Variants in OAT observed in about 807,000 individuals in gnomAD.
OAT encodes the protein ornithine aminotransferase, also known as ornithine aminotransferase, mitochondrial.
Under a neutral mutation model 48.4 loss-of-function variants are expected in OAT, and 35 were observed. The observed-to-expected ratio is 0.72, with a 90% CI of 0.55 to 0.96. The LOEUF is 0.96. OAT is among the 40% of genes least tolerant of loss of function. The probability of loss-of-function intolerance (pLI) is 0.00; values close to 1 mark genes in which losing one functional copy is unlikely to be tolerated. For synonymous variants in OAT, 182 were observed against 198.4 expected (o/e 0.92, Z 0.70); for missense variants, 438 against 537.9 (o/e 0.81, Z 1.84).
At chr10:124,415,071 C>CGAGACTGTGTT (rs1293798332) in intron 1 of OAT, 6 of 1,032 alleles carry the variant, frequency 5.8e-3, no homozygotes, top group African/African-American at 0.015. Flanking sequence ...GGCTACAAAG[C>CGAGACTGTGTT]GCTAAAAAAA....
intron 4 of OAT, among the ~76,000 whole-genome samples, chr10:124,407,966 A>G (rs1951629990): frequency 1.3e-5 from 2 of 152,080 alleles, no homozygotes; most frequent in South Asian, 2.1e-4. Flanking sequence ...ACCACAGTCT[A>G]TGTAGGCCAT....
chr10:124,403,006 C>T lies in OAT; in HGVS notation c.821G>A (p.Arg274Lys). The change falls in exon 7 of 10, where the codon AGA (arginine) becomes AAA (lysine). Residue 274 changes from arginine to lysine, a missense_variant. Coordinates refer to ENST00000368845, the MANE Select transcript of OAT (RefSeq NM_000274.4). ...EIQTGLARTGRWLAVDYENVR... is the reference protein window; with the variant it reads ...EIQTGLARTGKWLAVDYENVR... ...ATTTTCATAATCAACAGCCAGCCAT[C>T]TACCAGTTCTGGCCAATCCTGTCTG... is the stretch of plus-strand genomic sequence containing the variant. 1.2e-6 allele frequency: 2 copies of T among 1,614,134 alleles called. No homozygotes were observed. Among genetic ancestry groups the T allele is most frequent in the Non-Finnish European group, 1.7e-6 (2 of 1,180,002 alleles).
intron 1 of OAT, chr10:124,414,537 A>G (rs1334113581): frequency 6.6e-6 from 1 of 152,136 alleles, no homozygotes; most frequent in Non-Finnish European, 1.5e-5. Context: ...AACAATCAAA[A>G]CAAAAGTGAT....
At position 124,400,866 on chromosome 10, in the gene OAT, T is replaced by C. The variant is rs1372166193; in HGVS notation, c.1133A>G (p.Asn378Ser). Residue 378 changes from asparagine (N) to serine (S), a missense_variant, in exon 9 of 10, where the codon AAC (asparagine) becomes AGC (serine). Physicochemically the swap from Asn to Ser is conservative, Grantham distance 46. Transcript: ENST00000368845. ...VTAVRGKGLL[N>S]AIVIKETKDW... is the part of the protein sequence containing the mutation. ...TTTGGTTTCTTTAATGACAATAGCG[T>C]TTAATAATCCTTTTCCTCTTACGGC... 1 of 1,605,078 alleles carries C rather than the reference T, an allele frequency of 6.2e-7. No homozygotes were observed. Among genetic ancestry groups the C allele is most frequent in the East Asian group, 2.2e-5 (1 of 44,768 alleles).
rs1951667717 is a variant in OAT, at chr10:124,408,615, G to T, written c.447C>A (p.Ala149=). 1 of 1,612,912 alleles carries T rather than the reference G, an allele frequency of 6.2e-7. No homozygotes were observed. Among genetic ancestry groups the T allele is most frequent in the African/African-American group, 1.3e-5 (1 of 74,916 alleles). The part of the protein sequence containing the change: ...MNTGVEAGET[A]CKLARKWGYT... Reference sequence around the variant, plus strand: ...AGCCCCACTTACGAGCTAGTTTACAGGCAGTCTCTCCAGCCTCCACTCCTA... The same window carrying T: ...AGCCCCACTTACGAGCTAGTTTACATGCAGTCTCTCCAGCCTCCACTCCTA... Residue 149 remains alanine (A), a synonymous_variant, in exon 4 of 10, where the codon GCC becomes GCA. Coordinates refer to ENST00000368845, the MANE Select transcript of OAT (RefSeq NM_000274.4).
At position 124,405,574 on chromosome 10, in the gene OAT, GAAAC is replaced by G. The variant is rs376636397; in HGVS notation, c.521-15_521-12del. The stretch of plus-strand genomic sequence containing the variant: ...CCCAGAAGTTCCCAGCTACAAAGGG[GAAAC>G]AAACAGTGATTATTTCAAAGAAACC... On this transcript the variant is annotated splice_polypyrimidine_tract_variant and intron_variant, in intron 4 of 9. Coordinates refer to ENST00000368845, the MANE Select transcript of OAT (RefSeq NM_000274.4). The G allele has an allele frequency of 5.3e-4, 856 of 1,613,458 alleles. 3 individuals carry two copies. The African/African-American group carries it at 0.01, about 19-fold the overall frequency.
intron 4 of OAT, among the ~76,000 whole-genome samples, chr10:124,408,315 GTGTA>G (rs1232360439): frequency 3.0e-5 from 2 of 65,674 alleles, no homozygotes; most frequent in African/African-American, 8.0e-5. Context: ...GTGTGTGTGT[GTGTA>G]TATATATATA....
At chr10:124,404,859 C>G (rs538082441) in intron 5 of OAT, among the ~76,000 whole-genome samples, 1 of 152,132 alleles carries the variant, frequency 6.6e-6, no homozygotes, top group Admixed American at 6.6e-5. Flanking sequence ...GCCTGGCCAA[C>G]GTGGCGAAAC....
At chr10:124,407,422 A>C in intron 4 of OAT, 2 of 985,380 alleles carry the variant, frequency 2.0e-6, no homozygotes, top group Non-Finnish European at 2.4e-6. Flanking sequence ...ACAGTCTATA[A>C]GAATGAAAAT....
Position 124,401,745 on chromosome 10 carries a change from A to G in OAT, c.995T>C (p.Val332Ala). 1 of 1,612,284 alleles carries G rather than the reference A, an allele frequency of 6.2e-7. No individual in the cohort carries two copies. The highest frequency in any genetic ancestry group is 1.7e-5 in the Admixed American group (1 of 59,994). ...CTTTACCTCAAGGGCTGCGATGGCCACTCGGCAGCCTAGTGGATTGCCACC... is the reference window on the plus strand; with the variant it reads ...CTTTACCTCAAGGGCTGCGATGGCCGCTCGGCAGCCTAGTGGATTGCCACC... ...TYGGNPLGCR[V>A]AIAALEVLEE... Residue 332 changes from valine to alanine, a missense_variant, in exon 8 of 10, where the codon GTG becomes GCG. Coordinates refer to ENST00000368845, the MANE Select transcript of OAT (RefSeq NM_000274.4).
intron 9 of OAT, 24 bp from the exon 10 acceptor site, chr10:124,398,126 C>A: frequency 6.2e-7 from 1 of 1,613,472 alleles, no homozygotes; most frequent in African/African-American, 1.3e-5. Context: ...GTAAAACGTA[C>A]ATGCTCAAAG....
intron 1 of OAT, among the ~76,000 whole-genome samples, chr10:124,417,279 T>C (rs1589723927): frequency 7.0e-6 from 1 of 142,560 alleles, no homozygotes; most frequent in South Asian, 2.3e-4. Flanking sequence ...CCCAAAACTA[T>C]AAGCTTTTTT....
chr10:124,402,686 C>T (rs900886714), intron 7 of OAT, among the ~76,000 whole-genome samples: 2 of 152,150 alleles, frequency 1.3e-5, no homozygotes, highest in Non-Finnish European at 2.9e-5. Flanking sequence ...TAAACTGTTT[C>T]CACCCAAATC....
At chr10:124,415,201 T>C (rs1951884544) in intron 1 of OAT, 1 of 149,972 alleles carries the variant, frequency 6.7e-6, no homozygotes, top group Admixed American at 6.7e-5. Flanking sequence ...GGATGAAAAA[T>C]TCATTTACCT....
chr10:124,405,729 C>G (rs2134466289), intron 4 of OAT, 166 bp from the exon 5 acceptor site: 1 of 1,452,052 alleles, frequency 6.9e-7, no homozygotes, highest in African/African-American at 1.4e-5. Flanking sequence ...TGATATTAAA[C>G]ACCATGGCTC....
intron 7 of OAT, 79 bp from the exon 8 acceptor site, chr10:124,401,918 G>A: frequency 9.3e-7 from 1 of 1,074,176 alleles, no homozygotes; most frequent in Non-Finnish European, 1.4e-6. Context: ...GAGTCTCGCT[G>A]TCACCCAGGC....
chr10:124,399,551 T>C (rs1951342128), intron 9 of OAT, among the ~76,000 whole-genome samples: 1 of 151,940 alleles, frequency 6.6e-6, no homozygotes, highest in South Asian at 2.1e-4. Context: ...TTCACTGTGT[T>C]AGCCAGGATG....
chr10:124,410,883 G>C (rs1222957729), intron 2 of OAT, among the ~76,000 whole-genome samples: 1 of 152,184 alleles, frequency 6.6e-6, no homozygotes, highest in South Asian at 2.1e-4. Flanking sequence ...GCTCACGCCT[G>C]TAATCCAGCA....
intron 7 of OAT, among the ~76,000 whole-genome samples, chr10:124,402,339 T>A (rs74366711): frequency 0.063 from 9,637 of 152,250 alleles, 431 homozygotes; most frequent in Non-Finnish European, 0.084. Flanking sequence ...ACAATATAAT[T>A]TTGCAACTAA....
Sources: allele counts gnomAD v4.1 joint callset (sites outside exome capture counted in the v4.1 genomes callset), GRCh38; gene constraint gnomAD v4.1.1; transcripts MANE v1.5; gene names NCBI Gene and HGNC (gene_info 2026-07-23, HGNC 2026-07-21).